NUDT1: variants seen among roughly 807,000 people sequenced by gnomAD.
The protein encoded by NUDT1 is oxidized purine nucleoside triphosphate hydrolase.
NUDT1 carries 16 observed loss-of-function variants against 11.3 expected under a neutral mutation model. That is an observed-to-expected ratio of 1.41 (90% CI 0.96 to 2.15). The LOEUF is 2.15. NUDT1 is among the 30% of genes most tolerant of loss of function. The probability of loss-of-function intolerance (pLI) is 0.00; values close to 1 mark genes in which losing one functional copy is unlikely to be tolerated. For missense variants in NUDT1, 234 were observed against 208.4 expected (o/e 1.12, Z -0.76); for synonymous variants, 101 against 84.4 (o/e 1.20, Z -1.08).
intron 1 of NUDT1, among the ~76,000 whole-genome samples, chr7:2,244,258 T>C (rs2115052644): frequency 6.6e-6 from 1 of 152,252 alleles, no homozygotes; most frequent in Admixed American, 6.5e-5. Flanking sequence ...GAGCACGCTC[T>C]GGAAAGGTGA....
At chr7:2,247,585 G>A (rs576843076) in intron 2 of NUDT1, among the ~76,000 whole-genome samples, 12 of 152,328 alleles carry the variant, frequency 7.9e-5, no homozygotes, top group Admixed American at 7.2e-4. Flanking sequence ...CGCCACGGAC[G>A]CTGCACCACC....
intron 1 of NUDT1, 112 bp from the exon 2 acceptor site, chr7:2,244,451 T>TTCCCCCCCCCCCC: frequency 2.0e-6 from 2 of 981,624 alleles, no homozygotes; most frequent in Non-Finnish European, 3.0e-6. Flanking sequence ...AGTTACAGCA[T>TTCCCCCCCCCCCC]ACCCCCCCGC....
At chr7:2,242,315 C>A in intron 1 of NUDT1, 59 bp downstream of exon 1, 1 of 757,892 alleles carries the variant, frequency 1.3e-6, no homozygotes, top group Non-Finnish European at 2.0e-6. Flanking sequence ...GGGAGCCGGG[C>A]CAGCGGGCGG....
At chr7:2,249,669 A>T in intron 2 of NUDT1, 188 bp from the exon 3 acceptor site, 1 of 684,282 alleles carries the variant, frequency 1.5e-6, no homozygotes, top group Non-Finnish European at 2.5e-6. Flanking sequence ...TTCAAAGTTC[A>T]AGTTGATTCT....
intron 2 of NUDT1, chr7:2,249,493 C>G (rs1794894436): frequency 2.7e-6 from 1 of 370,108 alleles, no homozygotes. Flanking sequence ...CAGTCCCAAC[C>G]CTGCCACGTG....
At position 2,250,815 on chromosome 7, in the gene NUDT1, C is replaced by G. The variant is rs758612386; in HGVS notation, c.299-14C>G. The G allele has an allele frequency of 3.8e-5, 61 of 1,613,998 alleles. No individual in the cohort carries two copies. In the Middle Eastern group the frequency reaches 9.9e-4, roughly 26 times the overall value. ...GGTTGCACCTCAGTGCCTCCTCTTCCCCCATTGGTACAGAAATGCGCCCAT... is the reference window on the plus strand; with the variant it reads ...GGTTGCACCTCAGTGCCTCCTCTTCGCCCATTGGTACAGAAATGCGCCCAT... On this transcript the variant is annotated splice_polypyrimidine_tract_variant and intron_variant, in intron 3 of 3. Coordinates refer to ENST00000356714, the MANE Select transcript of NUDT1 (RefSeq NM_002452.4).
chr7:2,247,927 AC>A (rs1794834133), intron 2 of NUDT1: 1 of 152,218 alleles, frequency 6.6e-6, no homozygotes, highest in African/African-American at 2.4e-5. Context: ...AGCCATTTAT[AC>A]CCAAGTAGAA....
Position 2,251,005 on chromosome 7 carries a change from GAGCCCAGGGC to G in NUDT1, c.*10_*19del. On this transcript the variant is annotated 3_prime_UTR_variant, in exon 4 of 4. Coordinates refer to ENST00000356714, the MANE Select transcript of NUDT1 (RefSeq NM_002452.4). Reference sequence around the variant, plus strand: ...CCGCGAGGTGGACACGGTCTAGCGGGAGCCCAGGGCAGCCCCTGGGCAGGAGACGTGGCTG... The same window carrying G: ...CCGCGAGGTGGACACGGTCTAGCGGGAGCCCCTGGGCAGGAGACGTGGCTG... The G allele has an allele frequency of 6.2e-7, 1 of 1,613,786 alleles. No homozygotes were observed. Among genetic ancestry groups the G allele is most frequent in the South Asian group, 1.1e-5 (1 of 91,072 alleles).
Position 2,251,005 on chromosome 7 carries a change from G to A in NUDT1, c.*4G>A. On this transcript the variant is annotated 3_prime_UTR_variant, in exon 4 of 4. Coordinates refer to ENST00000356714, the MANE Select transcript of NUDT1 (RefSeq NM_002452.4). ...CCGCGAGGTGGACACGGTCTAGCGG[G>A]AGCCCAGGGCAGCCCCTGGGCAGGA... The A allele has an allele frequency of 6.2e-7, 1 of 1,613,786 alleles. No individual in the cohort carries two copies. Among genetic ancestry groups the A allele is most frequent in the South Asian group, 1.1e-5 (1 of 91,072 alleles).
chr7:2,245,079 C>T (rs552585054), intron 2 of NUDT1, among the ~76,000 whole-genome samples: 5 of 152,230 alleles, frequency 3.3e-5, no homozygotes, highest in East Asian at 1.9e-4. Context: ...TCACTGTTGC[C>T]GAAGGGCTCG....
intron 1 of NUDT1, 59 bp from the exon 2 acceptor site, chr7:2,244,504 T>C: frequency 2.9e-6 from 3 of 1,018,008 alleles, no homozygotes; most frequent in Non-Finnish European, 2.7e-6. Context: ...TCCTGGCCCC[T>C]GGCACGTGCT....
chr7:2,244,506 G>C (rs1419999945), intron 1 of NUDT1, 57 bp from the exon 2 acceptor site: 1 of 1,451,622 alleles, frequency 6.9e-7, no homozygotes, highest in Non-Finnish European at 9.2e-7. Context: ...CTGGCCCCTG[G>C]CACGTGCTTC....
chr7:2,242,679 C>A, intron 1 of NUDT1: 1 of 392,284 alleles, frequency 2.5e-6, no homozygotes, highest in Non-Finnish European at 4.6e-6. Context: ...GAAGGGCGTG[C>A]GATGAGGATG....
intron 2 of NUDT1, chr7:2,249,551 C>T (rs1293347118): frequency 4.4e-6 from 2 of 449,884 alleles, no homozygotes; most frequent in Non-Finnish European, 8.3e-6. Context: ...TGGGCCTGGG[C>T]TGTCACTGGT....
At position 2,250,813 on chromosome 7, in the gene NUDT1, T is replaced by A; in HGVS notation, c.299-16T>A. ...TGGGTTGCACCTCAGTGCCTCCTCT[T>A]CCCCCATTGGTACAGAAATGCGCCC... is the stretch of plus-strand genomic sequence containing the variant. On this transcript the variant is annotated splice_polypyrimidine_tract_variant and intron_variant, in intron 3 of 3. Coordinates refer to ENST00000356714, the MANE Select transcript of NUDT1 (RefSeq NM_002452.4). The A allele has an allele frequency of 6.2e-7, 1 of 1,613,970 alleles. No individual in the cohort carries two copies. The highest frequency in any genetic ancestry group is 8.5e-7 in the Non-Finnish European group (1 of 1,179,904).
chr7:2,244,947 G>T (rs566848446), intron 2 of NUDT1, among the ~76,000 whole-genome samples: 1 of 152,204 alleles, frequency 6.6e-6, no homozygotes, highest in Non-Finnish European at 1.5e-5. Flanking sequence ...GACTTAGAAC[G>T]GTGCGCGGTG....
intron 2 of NUDT1, among the ~76,000 whole-genome samples, chr7:2,247,444 G>A (rs1562408408): frequency 6.6e-6 from 1 of 152,144 alleles, no homozygotes; most frequent in Non-Finnish European, 1.5e-5. Flanking sequence ...GTGCAGATTT[G>A]GGCTTCAGGC....
intron 3 of NUDT1, among the ~76,000 whole-genome samples, chr7:2,250,226 C>T (rs1447207754): frequency 3.9e-5 from 6 of 152,322 alleles, no homozygotes; most frequent in South Asian, 2.1e-4. Context: ...ATGAGAAACA[C>T]GGTAATGAGG....
intron 2 of NUDT1, among the ~76,000 whole-genome samples, chr7:2,246,864 G>A (rs1794787119): frequency 6.6e-6 from 1 of 152,106 alleles, no homozygotes; most frequent in Non-Finnish European, 1.5e-5. Context: ...GGATCCACCC[G>A]CCTCGGCTTC....
Sources: allele counts gnomAD v4.1 joint callset (sites outside exome capture counted in the v4.1 genomes callset), GRCh38; gene constraint gnomAD v4.1.1; transcripts MANE v1.5; gene names NCBI Gene and HGNC (gene_info 2026-07-23, HGNC 2026-07-21).